The following POTEB variants were observed in gnomAD, a reference collection of about 807,000 sequenced individuals.
The protein encoded by POTEB is ANKRD26-like family B, member 1.
intron 9 of POTEB, among the ~76,000 whole-genome samples, chr15:21,855,179 A>ATT (rs1661384149): frequency 1.3e-5 from 2 of 148,428 alleles, no homozygotes; most frequent in Non-Finnish European, 3.0e-5. Flanking sequence ...TTCTCAAAGG[A>ATT]AAGATACTGT....
At position 21,856,919 on chromosome 15, in the gene POTEB, CCACA is replaced by C; in HGVS notation, c.1167_1170del (p.Val390AspfsTer6). 4 of 461,946 alleles carry C rather than the reference CCACA, an allele frequency of 8.7e-6. No homozygotes were observed. Among genetic ancestry groups the C allele is most frequent in the Non-Finnish European group, 1.1e-5 (4 of 380,520 alleles). The allele number at this position is 461,946 out of a possible 1,614,324, so 28.6% of individuals were successfully genotyped here. A position where few individuals can be genotyped will look rare whatever the true frequency, so the allele number is the denominator to read the frequency against. On this transcript the variant is annotated frameshift_variant, in exon 9 of 11. Transcript: ENST00000439682. LOFTEE classifies it high-confidence loss of function. ...CCATTAGTCAGGTTTTCTGGTAATC[CCACA>C]GGATTACTTCCATGCTTCTTTATTT...
rs1889827860 is a variant in POTEB, at chr15:21,854,488, G to T, written c.1298+2304C>A. On this transcript the variant is annotated intron_variant, in intron 9 of 10. Transcript: ENST00000439682. ...ATATTGCTGACAGATTAAATAAAAT[G>T]AGGTGGAAGAAAAGTGCCTAGATTT... 2.0e-5 allele frequency among the ~76,000 whole-genome samples: 3 copies of T among 150,782 alleles called. No homozygotes were observed. In the South Asian group the frequency reaches 6.3e-4, roughly 32 times the overall value.
At chr15:21,854,412 G>C (rs1234554019) in intron 9 of POTEB, among the ~76,000 whole-genome samples, 2 of 149,718 alleles carry the variant, frequency 1.3e-5, no homozygotes, top group African/African-American at 2.4e-5. Flanking sequence ...GTGAGGTCCT[G>C]AAAGCCAAGT....
At position 21,853,264 on chromosome 15, in the gene POTEB, A is replaced by G. The variant is rs1257648141; in HGVS notation, c.1298+3528T>C. Among the ~76,000 whole-genome samples the G allele has an allele frequency of 1.7e-4, 2 of 11,572 alleles. 1 individual carries two copies. The highest frequency in any genetic ancestry group is 1.8e-4 in the African/African-American group (2 of 10,856). The allele number at this position is 11,572 out of a possible 152,430, so 7.6% of individuals were successfully genotyped here. On this transcript the variant is annotated intron_variant, in intron 9 of 10. Coordinates refer to ENST00000439682, the MANE Select transcript of POTEB (RefSeq NM_001277304.2). Reference sequence around the variant, plus strand: ...AAGAAGTGAAGGAATGGAAAGAGAAAGCTAGGAGGATAACTGGGGAAAAAT... The same window carrying G: ...AAGAAGTGAAGGAATGGAAAGAGAAGGCTAGGAGGATAACTGGGGAAAAAT...
At chr15:21,854,494 G>A (rs1009202662) in intron 9 of POTEB, among the ~76,000 whole-genome samples, 7,653 of 144,536 alleles carry the variant, frequency 0.053, 66 homozygotes, top group African/African-American at 0.14. Flanking sequence ...AAATGAGGTG[G>A]AAGAAAAGTG....
At chr15:21,854,788 C>G (rs2141615706) in intron 9 of POTEB, among the ~76,000 whole-genome samples, 1 of 146,056 alleles carries the variant, frequency 6.8e-6, no homozygotes, top group Non-Finnish European at 1.5e-5. Flanking sequence ...TATTTTAAAG[C>G]TTATAAAAAT....
intron 3 of POTEB, among the ~76,000 whole-genome samples, chr15:21,871,398 C>CAAAA: frequency 5.0e-5 from 1 of 20,080 alleles, no homozygotes; most frequent in African/African-American, 1.1e-4. Context: ...CACACACACA[C>CAAAA]ACACACAAAC....
chr15:21,871,405 A>AC (rs1890101738), intron 3 of POTEB, among the ~76,000 whole-genome samples: 2 of 13,846 alleles, frequency 1.4e-4, no homozygotes, highest in East Asian at 2.4e-3. Context: ...ACACACACAC[A>AC]AACAAAAACA....
At chr15:21,850,198 A>ATAAATAAC (rs1183164981) in intron 9 of POTEB, among the ~76,000 whole-genome samples, 1 of 59,054 alleles carries the variant, frequency 1.7e-5, no homozygotes, top group Non-Finnish European at 3.7e-5. Flanking sequence ...AAATAAATAA[A>ATAAATAAC]TAAAGACCTA....
chr15:21,850,167 AAAATAAAT>A (rs376532647), intron 9 of POTEB, among the ~76,000 whole-genome samples: 4 of 51,088 alleles, frequency 7.8e-5, no homozygotes, highest in African/African-American at 2.5e-4. Flanking sequence ...AACAAAAATA[AAAATAAAT>A]AAATAAATAA....
intron 10 of POTEB, among the ~76,000 whole-genome samples, chr15:21,847,423 T>TAGTG (rs1889708238): frequency 1.6e-5 from 1 of 62,246 alleles, no homozygotes; most frequent in Non-Finnish European, 3.6e-5. Context: ...ATGCTACTGT[T>TAGTG]AGTGATCCTC....
At chr15:21,854,418 C>T (rs1165780524) in intron 9 of POTEB, among the ~76,000 whole-genome samples, 1 of 149,740 alleles carries the variant, frequency 6.7e-6, no homozygotes, top group Non-Finnish European at 1.5e-5. Flanking sequence ...TCCTGAAAGC[C>T]AAGTGAAGAT....
intron 9 of POTEB, among the ~76,000 whole-genome samples, chr15:21,854,799 T>G (rs1274038627): frequency 6.9e-6 from 1 of 145,860 alleles, no homozygotes; most frequent in African/African-American, 2.5e-5. Flanking sequence ...TTATAAAAAT[T>G]ATACACATGT....
At chr15:21,850,183 T>TAAATA (rs2141611791) in intron 9 of POTEB, among the ~76,000 whole-genome samples, 1 of 58,190 alleles carries the variant, frequency 1.7e-5, no homozygotes, top group East Asian at 3.7e-4. Flanking sequence ...AATAAATAAA[T>TAAATA]AAATAAATAA....
intron 9 of POTEB, among the ~76,000 whole-genome samples, chr15:21,854,513 T>C (rs1341995018): frequency 6.6e-6 from 1 of 150,844 alleles, no homozygotes; most frequent in Non-Finnish European, 1.5e-5. Flanking sequence ...TGCCTAGATT[T>C]ATTACAGAAA....
intron 1 of POTEB, among the ~76,000 whole-genome samples, chr15:21,875,141 GA>G (rs1406728169): frequency 7.1e-6 from 1 of 140,176 alleles, no homozygotes; most frequent in East Asian, 2.1e-4. Context: ...ACCCAGGCTG[GA>G]GTGTAGTGGT....
chr15:21,854,407 G>T (rs1299000672), intron 9 of POTEB, among the ~76,000 whole-genome samples: 1 of 149,540 alleles, frequency 6.7e-6, no homozygotes, highest in Non-Finnish European at 1.5e-5. Context: ...AGGGAGTGAG[G>T]TCCTGAAAGC....
At chr15:21,871,404 C>CACAAAAAA (rs1378742867) in intron 3 of POTEB, among the ~76,000 whole-genome samples, 1 of 19,266 alleles carries the variant, frequency 5.2e-5, no homozygotes, top group African/African-American at 1.3e-4. Flanking sequence ...CACACACACA[C>CACAAAAAA]AAACAAAAAC....
chr15:21,855,446 A>G (rs1462910474), intron 9 of POTEB, among the ~76,000 whole-genome samples: 2 of 140,452 alleles, frequency 1.4e-5, no homozygotes, highest in Non-Finnish European at 3.2e-5. Context: ...GAGCCCAGAA[A>G]GTCAAGGCTG....
Sources: allele counts gnomAD v4.1 joint callset (sites outside exome capture counted in the v4.1 genomes callset), GRCh38; gene constraint gnomAD v4.1.1; transcripts MANE v1.5; gene names NCBI Gene and HGNC (gene_info 2026-07-23, HGNC 2026-07-21).